PRICKLE2: variants seen among roughly 807,000 people sequenced by gnomAD.
PRICKLE2 encodes the protein prickle planar cell polarity protein 2.
PRICKLE2 carries 21 observed loss-of-function variants against 81.4 expected under a neutral mutation model. That is an observed-to-expected ratio of 0.26 (90% CI 0.18 to 0.37). The LOEUF (loss-of-function observed/expected upper bound fraction) is 0.37, where lower values mean the gene tolerates loss of function less well. Ranked by LOEUF, PRICKLE2 falls within the 10% of genes least tolerant of loss-of-function variation. The pLI, the probability that PRICKLE2 is intolerant of heterozygous loss-of-function variation, is 1.00. For synonymous variants in PRICKLE2, 456 were observed against 421.5 expected (o/e 1.08, Z -1.00); for missense variants, 940 against 1,109.0 (o/e 0.85, Z 2.16).
At chr3:64,151,392 A>G (rs2077544976) in intron 6 of PRICKLE2, among the ~76,000 whole-genome samples, 1 of 152,248 alleles carries the variant, frequency 6.6e-6, no homozygotes, top group South Asian at 2.1e-4. Flanking sequence ...GAATGCCAAT[A>G]AATGTGCTGG....
At position 64,234,469 on chromosome 3, in the gene PRICKLE2, C is replaced by T. The variant is rs528374389; in HGVS notation, c.129-35502G>A. 7.9e-5 allele frequency among the ~76,000 whole-genome samples: 12 copies of T among 152,096 alleles called. No homozygotes were observed. In the South Asian group the frequency reaches 1.5e-3, roughly 18 times the overall value. The stretch of plus-strand genomic sequence containing the variant: ...TATTTGCATACCTTCTTTGGAGAAA[C>T]GTATATTCAAATTTTTTGCTCATTT... On this transcript the variant is annotated intron_variant, in intron 2 of 8. Transcript: ENST00000295902.
chr3:64,205,252 A>G (rs952085273), intron 1 of PRICKLE2, among the ~76,000 whole-genome samples: 1 of 152,166 alleles, frequency 6.6e-6, no homozygotes, highest in Non-Finnish European at 1.5e-5. Context: ...CTCTACCCCA[A>G]AACAACCTCT....
At position 64,265,360 on chromosome 3, in the gene PRICKLE2, T is replaced by C. The variant is rs1398506325; in HGVS notation, c.129-66393A>G. On this transcript the variant is annotated intron_variant, in intron 2 of 8. Transcript: ENST00000295902. The stretch of plus-strand genomic sequence containing the variant: ...CTAGGATTACCATTCTGTGTTTTAG[T>C]AGCTAAAAAAAATCATTCCCTCTGC... Among the ~76,000 whole-genome samples, 4 of 152,168 alleles carry C rather than the reference T, an allele frequency of 2.6e-5. No homozygotes were observed. The South Asian group carries it at 8.3e-4, about 32-fold the overall frequency.
At chr3:64,178,542 C>A (rs2078063427) in intron 2 of PRICKLE2, among the ~76,000 whole-genome samples, 1 of 152,154 alleles carries the variant, frequency 6.6e-6, no homozygotes, top group Admixed American at 6.5e-5. Flanking sequence ...AAAGTACATT[C>A]CCCCTTTGTG....
At chr3:64,166,830 G>C (rs116649731) in intron 2 of PRICKLE2, among the ~76,000 whole-genome samples, 2,997 of 152,260 alleles carry the variant, frequency 0.02, 51 homozygotes, top group Non-Finnish European at 0.025. Flanking sequence ...AATCCTCTTC[G>C]AAGTCCATTG....
In PRICKLE2 at chr3:64,099,230, T is replaced by G. The variant is rs886042720; in HGVS notation, c.2356A>C (p.Asn786His). 2 of 1,614,036 alleles carry G rather than the reference T, an allele frequency of 1.2e-6. No individual in the cohort carries two copies. Among genetic ancestry groups the G allele is most frequent in the Non-Finnish European group, 1.7e-6 (2 of 1,180,030 alleles). ...GGTTCTCCTAGGAAATAGCCCTCGTTGTCAGACTCTGAAGAGGAGGAGCAG... is the reference window on the plus strand; with the variant it reads ...GGTTCTCCTAGGAAATAGCCCTCGTGGTCAGACTCTGAAGAGGAGGAGCAG... ...STCSSSSESD[N>H]EGYFLGEPIP... is the part of the protein sequence containing the mutation. The change falls in exon 8 of 8, where the codon AAC becomes CAC. Residue 786 changes from asparagine (N) to histidine (H), a missense_variant. Coordinates refer to ENST00000638394, the MANE Select transcript of PRICKLE2 (RefSeq NM_198859.4). The surrounding 1 kb of genome is among the most constrained non-coding windows in gnomAD (Gnocchi z 4.3).
chr3:64,181,169 T>C (rs1164011521), intron 2 of PRICKLE2, among the ~76,000 whole-genome samples: 1 of 152,232 alleles, frequency 6.6e-6, no homozygotes, highest in African/African-American at 2.4e-5. Flanking sequence ...CACTTTGTTA[T>C]ATTTTACAGA....
Position 64,099,023 on chromosome 3 carries a change from C to A in PRICKLE2, c.*28G>T. Reference sequence around the variant, plus strand: ...CTGACTTTACATTCTTAGCTCCCATCTTCTCCCATTCCCTGATCCCAATCA... The same window carrying A: ...CTGACTTTACATTCTTAGCTCCCATATTCTCCCATTCCCTGATCCCAATCA... On this transcript the variant is annotated 3_prime_UTR_variant, in exon 8 of 8. Transcript: ENST00000638394. The surrounding 1 kb of genome is among the most constrained non-coding windows in gnomAD (Gnocchi z 4.3). 6.2e-7 allele frequency: 1 copy of A among 1,613,718 alleles called. No homozygotes were observed. Among genetic ancestry groups the A allele is most frequent in the Non-Finnish European group, 8.5e-7 (1 of 1,179,644 alleles).
At chr3:64,104,078 A>G (rs1441795313) in intron 7 of PRICKLE2, among the ~76,000 whole-genome samples, 1 of 152,250 alleles carries the variant, frequency 6.6e-6, no homozygotes, top group South Asian at 2.1e-4. Flanking sequence ...AATCAGCTAA[A>G]TATCATATAC....
At chr3:64,169,515 G>C (rs192975503) in intron 2 of PRICKLE2, among the ~76,000 whole-genome samples, 143 of 152,244 alleles carry the variant, frequency 9.4e-4, no homozygotes, top group African/African-American at 3.4e-3. Context: ...AGAATCATCT[G>C]AGGCCTTTAT....
At chr3:64,115,873 C>A (rs990396765) in intron 7 of PRICKLE2, among the ~76,000 whole-genome samples, 2 of 152,076 alleles carry the variant, frequency 1.3e-5, no homozygotes, top group Non-Finnish European at 2.9e-5. Flanking sequence ...GAACTCTCCA[C>A]CCAAAAAAAC....
At chr3:64,201,637 A>G (rs1331946524) in intron 1 of PRICKLE2, among the ~76,000 whole-genome samples, 1 of 152,170 alleles carries the variant, frequency 6.6e-6, no homozygotes, top group Non-Finnish European at 1.5e-5. Flanking sequence ...TTTTCTGGAT[A>G]CAAGTCCTTT....
At chr3:64,227,169 C>T (rs1230673880), upstream of PRICKLE2, among the ~76,000 whole-genome samples, 1 of 152,150 alleles carries the variant, frequency 6.6e-6, no homozygotes, top group Non-Finnish European at 1.5e-5. Context: ...ATCATGAGAC[C>T]TGGAATAACT....
At chr3:64,196,022 T>C (rs1335928792) in intron 2 of PRICKLE2, among the ~76,000 whole-genome samples, 2 of 152,210 alleles carry the variant, frequency 1.3e-5, no homozygotes, top group African/African-American at 4.8e-5. Flanking sequence ...TGACTTTCTT[T>C]CAAAACAAAT....
chr3:64,099,356 G>C lies in PRICKLE2; in HGVS notation c.2230C>G (p.Leu744Val). 1 of 1,614,042 alleles carries C rather than the reference G, an allele frequency of 6.2e-7. No homozygotes were observed. The highest frequency in any genetic ancestry group is 8.5e-7 in the Non-Finnish European group (1 of 1,179,904). ...ESMGHGSRRD[L>V]YGQCPRTVSD... ...ACAGTCCTAGGGCACTGGCCGTACAGGTCCCTCCGGGACCCATGCCCCATG... is the reference window on the plus strand; with the variant it reads ...ACAGTCCTAGGGCACTGGCCGTACACGTCCCTCCGGGACCCATGCCCCATG... The change falls in exon 8 of 8, where the codon CTG becomes GTG. Residue 744 changes from leucine to valine, a missense_variant. By Grantham distance (32) the Leu-to-Val change is conservative (BLOSUM62 1). This residue lies in a region of PRICKLE2 where 670 missense variants were observed against 717.2 expected (regional missense o/e 0.93). Coordinates refer to ENST00000638394, the MANE Select transcript of PRICKLE2 (RefSeq NM_198859.4). This position sits in a 1 kb window ranked among gnomAD's most constrained non-coding sequence, Gnocchi z 4.3.
rs546730441 is a variant in PRICKLE2 at position 64,146,654 on chromosome 3, A to C, written c.1660+176T>G. On this transcript the variant is annotated intron_variant, in intron 7 of 7. Transcript: ENST00000638394. ...ACTACTCGTGAGGCTGAGGCAGGAGAATGGCGTGAACCCGGGAGGTGGAGC... is the reference window on the plus strand; with the variant it reads ...ACTACTCGTGAGGCTGAGGCAGGAGCATGGCGTGAACCCGGGAGGTGGAGC... 34 of 649,226 alleles carry C rather than the reference A, an allele frequency of 5.2e-5. No homozygotes were observed. In the Admixed American group the frequency reaches 7.0e-4, roughly 13 times the overall value. 40.2% of individuals were successfully genotyped at this position (649,226 alleles called of 1,614,324 possible). A position where few individuals can be genotyped will look rare whatever the true frequency, so the allele number is the denominator to read the frequency against.
chr3:64,264,105 A>G (rs2079659177), intron 2 of PRICKLE2, among the ~76,000 whole-genome samples: 1 of 151,874 alleles, frequency 6.6e-6, no homozygotes, highest in African/African-American at 2.4e-5. Flanking sequence ...AATGCTTGAG[A>G]GCACAGGCTG....
intron 2 of PRICKLE2, among the ~76,000 whole-genome samples, chr3:64,251,405 C>T (rs1049183496): frequency 1.3e-5 from 2 of 152,230 alleles, no homozygotes; most frequent in Admixed American, 6.5e-5. Context: ...TCCCCCACCA[C>T]AGTAGGCTCC....
rs2076550005 is a variant in PRICKLE2, at chr3:64,094,962, T to C, written c.*4089A>G. On this transcript the variant is annotated 3_prime_UTR_variant, in exon 8 of 8. Transcript: ENST00000638394. ...TCCTGGCATGAAGTATTCAGATAAC[T>C]GGTTCAGTTTTCCACTTTCCTTTGT... 6.5e-6 allele frequency: 1 copy of C among 152,674 alleles called. No homozygotes were observed. The highest frequency in any genetic ancestry group is 1.5e-5 in the Non-Finnish European group (1 of 68,054). 9.5% of individuals were successfully genotyped at this position (152,674 alleles called of 1,614,324 possible).
Sources: gnomAD v4.1 joint callset for allele counts (sites outside exome capture counted in the v4.1 genomes callset) on GRCh38, gnomAD v4.1.1 for gene constraint, gnomAD v4.1.1 regional missense constraint, Gnocchi (gnomAD v3.1) non-coding constraint, MANE v1.5 for transcripts, NCBI Gene and HGNC (gene_info 2026-07-23, HGNC 2026-07-21) for gene names.